The following EYS variants were observed in gnomAD, a reference collection of about 807,000 sequenced individuals.
EYS encodes protein eyes shut homolog.
EYS carries 250 observed loss-of-function variants against 282.1 expected under a neutral mutation model. The observed-to-expected ratio is 0.89, with a 90% CI of 0.80 to 0.98. The LOEUF is 0.98. Ranked by LOEUF, EYS falls within the 50% of genes least tolerant of loss-of-function variation. The pLI, the probability that EYS is intolerant of heterozygous loss-of-function variation, is 0.00. For missense variants in EYS, 4,016 were observed against 3,709.0 expected (o/e 1.08, Z -2.15); for synonymous variants, 1,355 against 1,282.9 (o/e 1.06, Z -1.20).
At chr6:65,655,578 T>C (rs1767791903) in intron 1 of EYS, among the ~76,000 whole-genome samples, 2 of 151,822 alleles carry the variant, frequency 1.3e-5, no homozygotes, top group African/African-American at 2.4e-5. Flanking sequence ...TTTCATAAAA[T>C]ATCTCATCAT....
intron 35 of EYS, among the ~76,000 whole-genome samples, chr6:63,947,114 A>G (rs1765421926): frequency 6.6e-6 from 1 of 152,152 alleles, no homozygotes; most frequent in Non-Finnish European, 1.5e-5. Flanking sequence ...GGTGGTTAAC[A>G]ACATACTTTT....
chr6:65,471,784 T>A (rs1765227503), intron 5 of EYS, among the ~76,000 whole-genome samples: 1 of 152,288 alleles, frequency 6.6e-6, no homozygotes, highest in Admixed American at 6.5e-5. Context: ...CCATTACTAT[T>A]CTATTTCTAA....
At chr6:65,144,631 C>T (rs1764430734) in intron 12 of EYS, among the ~76,000 whole-genome samples, 1 of 152,104 alleles carries the variant, frequency 6.6e-6, no homozygotes, top group African/African-American at 2.4e-5. Flanking sequence ...TTCTCTGTCT[C>T]CATGATCATA....
At chr6:64,611,943 AT>A (rs1334710398) in intron 24 of EYS, among the ~76,000 whole-genome samples, 9 of 152,116 alleles carry the variant, frequency 5.9e-5, no homozygotes, top group Non-Finnish European at 5.9e-5. Flanking sequence ...GATAATAAAT[AT>A]TTTTTAATAG....
chr6:64,244,743 C>T (rs1766952659), intron 30 of EYS, among the ~76,000 whole-genome samples: 1 of 152,126 alleles, frequency 6.6e-6, no homozygotes, highest in South Asian at 2.1e-4. Flanking sequence ...ACAGCTTTGT[C>T]TAACTTCTGT....
Position 63,827,185 on chromosome 6 carries a change from T to C in EYS, c.7229-20813A>G, listed in dbSNP as rs1167352120. Among the ~76,000 whole-genome samples, 5 of 152,298 alleles carry C rather than the reference T, an allele frequency of 3.3e-5. No individual in the cohort carries two copies. In the East Asian group the frequency reaches 7.7e-4, roughly 24 times the overall value. ...AGTTAAAAGAGACAAAGAAGGACAG[T>C]ATATAATGATAAAAGGCCTTGTCCA... is the stretch of plus-strand genomic sequence containing the variant. On this transcript the variant is annotated intron_variant, in intron 36 of 42. Coordinates refer to ENST00000503581, the MANE Select transcript of EYS (RefSeq NM_001142800.2).
intron 33 of EYS, among the ~76,000 whole-genome samples, chr6:64,033,031 CA>C (rs1769933624): frequency 6.6e-6 from 1 of 152,124 alleles, no homozygotes; most frequent in Non-Finnish European, 1.5e-5. Context: ...GGGCTAAGAC[CA>C]AACATTGTAA....
intron 2 of EYS, among the ~76,000 whole-genome samples, chr6:65,520,030 T>G (rs1327052915): frequency 6.6e-6 from 1 of 151,894 alleles, no homozygotes; most frequent in Non-Finnish European, 1.5e-5. Context: ...GATTCACCCT[T>G]TAAGTTTACT....
chr6:64,446,194 C>CT (rs1243725983), intron 26 of EYS, among the ~76,000 whole-genome samples: 1 of 152,110 alleles, frequency 6.6e-6, no homozygotes, highest in African/African-American at 2.4e-5. Context: ...TAGTTGCCAG[C>CT]TTTTATTTTT....
intron 33 of EYS, among the ~76,000 whole-genome samples, chr6:64,041,377 A>G (rs1353816854): frequency 6.6e-6 from 1 of 152,212 alleles, no homozygotes; most frequent in Non-Finnish European, 1.5e-5. Context: ...GAATACGGGA[A>G]AAATAAATTT....
chr6:64,300,276 G>A (rs955110721), intron 30 of EYS, among the ~76,000 whole-genome samples: 11 of 152,036 alleles, frequency 7.2e-5, no homozygotes, highest in Non-Finnish European at 1.0e-4. Flanking sequence ...GACAGGGGCC[G>A]CGGCAGGGGG....
intron 26 of EYS, among the ~76,000 whole-genome samples, chr6:64,481,526 A>G (rs970613066): frequency 7.5e-6 from 1 of 134,128 alleles, no homozygotes; most frequent in Non-Finnish European, 1.7e-5. Flanking sequence ...TCTCACACAC[A>G]CACATACACA....
chr6:64,200,461 C>G (rs1765430665), intron 31 of EYS, among the ~76,000 whole-genome samples: 1 of 151,978 alleles, frequency 6.6e-6, no homozygotes, highest in Non-Finnish European at 1.5e-5. Context: ...TGCTCAATAA[C>G]AGTTAAAAAA....
At chr6:64,112,795 A>G (rs1338227432) in intron 31 of EYS, among the ~76,000 whole-genome samples, 1 of 147,208 alleles carries the variant, frequency 6.8e-6, no homozygotes, top group African/African-American at 2.6e-5. Context: ...TATCTATAAT[A>G]TCTATATATC....
At chr6:65,116,192 T>C (rs16896269) in intron 12 of EYS, among the ~76,000 whole-genome samples, 34,770 of 152,018 alleles carry the variant, frequency 0.23, 4,551 homozygotes, top group African/African-American at 0.34. Flanking sequence ...TAAAGTAGAA[T>C]GGAAACTAAG....
At chr6:64,081,276 G>A (rs1045118011) in intron 32 of EYS, among the ~76,000 whole-genome samples, 1 of 152,134 alleles carries the variant, frequency 6.6e-6, no homozygotes, top group Non-Finnish European at 1.5e-5. Context: ...CCTTAGTGAT[G>A]TTCATTCACA....
chr6:64,316,746 A>G (rs1769983681), intron 29 of EYS, among the ~76,000 whole-genome samples: 1 of 152,128 alleles, frequency 6.6e-6, no homozygotes, highest in Non-Finnish European at 1.5e-5. Context: ...AAAAGATCCC[A>G]CATAGCCTAG....
At chr6:64,782,877 A>G (rs1341278460) in intron 22 of EYS, among the ~76,000 whole-genome samples, 1 of 152,236 alleles carries the variant, frequency 6.6e-6, no homozygotes, top group African/African-American at 2.4e-5. Flanking sequence ...ATTCAAGTAC[A>G]TTACAGTAGT....
At chr6:65,013,245 T>A (rs1245140273) in intron 13 of EYS, among the ~76,000 whole-genome samples, 1 of 152,190 alleles carries the variant, frequency 6.6e-6, no homozygotes, top group Non-Finnish European at 1.5e-5. Context: ...ATTACATAGC[T>A]GAACAACAAT....
Sources: gnomAD v4.1 joint callset for allele counts (sites outside exome capture counted in the v4.1 genomes callset) on GRCh38, gnomAD v4.1.1 for gene constraint, MANE v1.5 for transcripts, NCBI Gene and HGNC (gene_info 2026-07-23, HGNC 2026-07-21) for gene names.